The following TRAPPC9 variants were observed in gnomAD, a reference collection of about 807,000 sequenced individuals.
TRAPPC9 encodes the protein trafficking protein particle complex subunit 9, also known as IKK2 binding protein.
A neutral mutation model predicts 124.0 loss-of-function variants in TRAPPC9; 83 were observed. The ratio of observed to expected loss-of-function variants is 0.67; its 90% confidence interval spans 0.56 to 0.80. The LOEUF (loss-of-function observed/expected upper bound fraction) is 0.80. Among genes scored for constraint, TRAPPC9 ranks in the 30% least tolerant of loss-of-function variants. The probability of loss-of-function intolerance (pLI) is 0.00; values close to 1 mark genes in which losing one functional copy is unlikely to be tolerated. For synonymous variants in TRAPPC9, 638 were observed against 617.5 expected, an observed-to-expected ratio of 1.03 and a Z score of -0.49; for missense variants, 1,302 against 1,508.3, an observed-to-expected ratio of 0.86 and a Z score of 2.27.
At chr8:140,431,317 C>G (rs375923814) in intron 4 of TRAPPC9, among the ~76,000 whole-genome samples, 1 of 151,768 alleles carries the variant, frequency 6.6e-6, no homozygotes, top group East Asian at 1.9e-4. Context: ...ACTAGCCGGG[C>G]GTAGTGGTGG....
At chr8:139,917,961 G>A (rs188435022) in intron 19 of TRAPPC9, among the ~76,000 whole-genome samples, 6 of 152,342 alleles carry the variant, frequency 3.9e-5, no homozygotes, top group East Asian at 1.9e-4. Context: ...CCAGAGGTCC[G>A]TTCTGCAAAT....
At chr8:140,297,335 C>A (rs62529375) in intron 11 of TRAPPC9, among the ~76,000 whole-genome samples, 1 of 146,682 alleles carries the variant, frequency 6.8e-6, no homozygotes, top group Admixed American at 6.8e-5. Flanking sequence ...CACACTCATA[C>A]ACACACATGC....
At chr8:139,887,345 C>T (rs1366806035) in intron 20 of TRAPPC9, among the ~76,000 whole-genome samples, 5 of 151,646 alleles carry the variant, frequency 3.3e-5, no homozygotes, top group East Asian at 1.9e-4. Flanking sequence ...CTCAGTCTCT[C>T]GAGTAGCTGG....
chr8:140,211,456 C>T (rs193231845), intron 17 of TRAPPC9, among the ~76,000 whole-genome samples: 2 of 152,026 alleles, frequency 1.3e-5, no homozygotes, highest in East Asian at 1.9e-4. Flanking sequence ...CTACTTGAGT[C>T]GCTGAGGCAG....
rs1413332084 is a variant in TRAPPC9, at chr8:140,371,156, G to A, written c.1159C>T (p.Arg387Cys). 13 of 1,613,308 alleles carry A rather than the reference G, an allele frequency of 8.1e-6. No individual in the cohort carries two copies. The highest frequency in any genetic ancestry group is 1.0e-5 in the Non-Finnish European group (12 of 1,179,672). ...TAGAGCTCGGAGAGGATGCTGTAGCGCTGAATTTTCTCTTCCTCAGAAAGC... is the reference window on the plus strand; with the variant it reads ...TAGAGCTCGGAGAGGATGCTGTAGCACTGAATTTTCTCTTCCTCAGAAAGC... The part of the protein sequence containing the change: ...RQLSEEEKIQ[R>C]YSILSELYEL... The change falls in exon 8 of 23, where the codon CGC becomes TGC. Residue 387 changes from arginine (R) to cysteine (C), a missense_variant. Arg to Cys is a radical substitution (Grantham distance 180, BLOSUM62 -3). Around this residue, in one of 3 missense-constraint regions of TRAPPC9, gnomAD observed 657 missense variants for 811.2 expected, o/e 0.81. Transcript: ENST00000438773.
At chr8:139,771,930 G>A (rs950029679) in intron 21 of TRAPPC9, among the ~76,000 whole-genome samples, 8 of 152,210 alleles carry the variant, frequency 5.3e-5, no homozygotes, top group Non-Finnish European at 1.2e-4. Context: ...AGAAGTCTCC[G>A]CCCAGCATGG....
At chr8:140,437,617 C>A (rs1463784393) in intron 3 of TRAPPC9, among the ~76,000 whole-genome samples, 1 of 152,170 alleles carries the variant, frequency 6.6e-6, no homozygotes, top group Non-Finnish European at 1.5e-5. Flanking sequence ...GAGCGAGACT[C>A]CGTCCCCAAG....
rs187456854 is a variant in TRAPPC9 at position 140,364,908 on chromosome 8, T to C, written c.1352-4715A>G. Among the ~76,000 whole-genome samples the C allele has an allele frequency of 5.3e-4, 81 of 151,766 alleles. No homozygotes were observed. The East Asian group carries it at 0.015, about 28-fold the overall frequency. On this transcript the variant is annotated intron_variant, in intron 8 of 22. Coordinates refer to ENST00000438773, the MANE Select transcript of TRAPPC9 (RefSeq NM_001160372.4). ...TTTAAAATGTAAATCCTACAAGTTT[T>C]AGGGCTTGTCCAGTTATTTTGTCCA...
At chr8:139,785,659 G>A (rs1444845225) in intron 21 of TRAPPC9, among the ~76,000 whole-genome samples, 2 of 151,666 alleles carry the variant, frequency 1.3e-5, no homozygotes, top group Non-Finnish European at 2.9e-5. Flanking sequence ...AACCCGTGAG[G>A]TGGAGGTTGC....
intron 21 of TRAPPC9, among the ~76,000 whole-genome samples, chr8:139,870,974 G>A (rs540985418): frequency 3.3e-5 from 5 of 152,146 alleles, no homozygotes; most frequent in Non-Finnish European, 7.4e-5. Context: ...GCTGGGAGGC[G>A]GGCCGTCTCT....
At chr8:140,145,657 G>C (rs2061451372) in intron 17 of TRAPPC9, among the ~76,000 whole-genome samples, 1 of 151,850 alleles carries the variant, frequency 6.6e-6, no homozygotes, top group Non-Finnish European at 1.5e-5. Flanking sequence ...TTTTATCTCG[G>C]GCAGATTTCG....
intron 6 of TRAPPC9, among the ~76,000 whole-genome samples, chr8:140,399,651 T>G (rs1404021966): frequency 6.6e-6 from 1 of 152,338 alleles, no homozygotes; most frequent in East Asian, 1.9e-4. Context: ...ATCTAGGAAA[T>G]AAGCAGCTGC....
intron 4 of TRAPPC9, among the ~76,000 whole-genome samples, chr8:140,431,327 G>A (rs1327847572): frequency 6.6e-6 from 1 of 151,822 alleles, no homozygotes; most frequent in African/African-American, 2.4e-5. Context: ...CGTAGTGGTG[G>A]GTGCCTGTAA....
intron 8 of TRAPPC9, 149 bp from the exon 9 acceptor site, chr8:140,360,342 A>G: frequency 9.2e-7 from 1 of 1,091,548 alleles, no homozygotes; most frequent in Non-Finnish European, 1.3e-6. Flanking sequence ...TCTGCTTTTA[A>G]TGACCCTGGA....
chr8:140,319,153 C>A (rs887320090), intron 9 of TRAPPC9, among the ~76,000 whole-genome samples: 1 of 151,680 alleles, frequency 6.6e-6, no homozygotes, highest in Non-Finnish European at 1.5e-5. Flanking sequence ...CACCTAATGC[C>A]CTTGAAAGTT....
intron 17 of TRAPPC9, among the ~76,000 whole-genome samples, chr8:140,213,501 A>G (rs1203194641): frequency 2.0e-5 from 3 of 152,080 alleles, no homozygotes; most frequent in African/African-American, 7.2e-5. Flanking sequence ...TGCTTTGTCT[A>G]TGTTGGGTTT....
At chr8:139,856,444 G>A (rs1827803688) in intron 21 of TRAPPC9, among the ~76,000 whole-genome samples, 1 of 152,104 alleles carries the variant, frequency 6.6e-6, no homozygotes, top group African/African-American at 2.4e-5. Context: ...CTGGGACCGG[G>A]AGGCCAGGAG....
upstream of TRAPPC9, chr8:140,458,268 C>A: frequency 6.4e-7 from 1 of 1,552,456 alleles, no homozygotes; most frequent in Non-Finnish European, 8.7e-7. Flanking sequence ...CCAGTTCTGT[C>A]CCCGCCGCTT....
intron 17 of TRAPPC9, among the ~76,000 whole-genome samples, chr8:140,031,570 T>C (rs926699050): frequency 6.6e-6 from 1 of 152,228 alleles, no homozygotes; most frequent in African/African-American, 2.4e-5. Context: ...GTGATCCACT[T>C]AATAAGTCAA....
Sources: gnomAD v4.1 joint callset for allele counts (sites outside exome capture counted in the v4.1 genomes callset) on GRCh38, gnomAD v4.1.1 for gene constraint, gnomAD v4.1.1 regional missense constraint, MANE v1.5 for transcripts, NCBI Gene and HGNC (gene_info 2026-07-23, HGNC 2026-07-21) for gene names.